CACNG2: variants seen among roughly 807,000 people sequenced by gnomAD.
CACNG2 encodes calcium voltage-gated channel auxiliary subunit gamma 2, also known as voltage-dependent calcium channel gamma-2 subunit.
CACNG2 carries 3 observed loss-of-function variants against 25.9 expected under a neutral mutation model. The ratio of observed to expected loss-of-function variants is 0.12; its 90% CI spans 0.05 to 0.30. The LOEUF (loss-of-function observed/expected upper bound fraction) is 0.30. Among genes scored for constraint, CACNG2 ranks in the 10% least tolerant of loss-of-function variants. The pLI is 1.00. For missense variants in CACNG2, 341 were observed against 432.5 expected (o/e 0.79, Z 1.88); for synonymous variants, 167 against 173.3 (o/e 0.96, Z 0.29).
intron 1 of CACNG2, among the ~76,000 whole-genome samples, chr22:36,682,182 G>A (rs888557438): frequency 6.6e-6 from 1 of 152,228 alleles, no homozygotes; most frequent in East Asian, 1.9e-4. Flanking sequence ...TGGGGGAGAA[G>A]ACGCAGGGCT....
chr22:36,680,261 CCACCACCAT>C (rs1178516384), intron 1 of CACNG2, among the ~76,000 whole-genome samples: 69 of 151,558 alleles, frequency 4.6e-4, no homozygotes, highest in Admixed American at 1.7e-3. Flanking sequence ...ATCATCAACA[CCACCACCAT>C]CACCACCATC....
chr22:36,630,617 G>A (rs1936253049), intron 1 of CACNG2, among the ~76,000 whole-genome samples: 1 of 152,132 alleles, frequency 6.6e-6, no homozygotes, highest in South Asian at 2.1e-4. Flanking sequence ...CCCAAACCTT[G>A]AAGCTTCAGA....
chr22:36,583,674 CA>C (rs1935456743), intron 2 of CACNG2, among the ~76,000 whole-genome samples: 1 of 152,208 alleles, frequency 6.6e-6, no homozygotes. Context: ...CTCTGTCTCC[CA>C]AACATCTCCT....
Position 36,599,210 on chromosome 22 carries a change from G to A in CACNG2, c.212-11662C>T, listed in dbSNP as rs114435833. On this transcript the variant is annotated intron_variant, in intron 1 of 3. Coordinates refer to ENST00000300105, the MANE Select transcript of CACNG2 (RefSeq NM_006078.5). ...GTAGTGTACAGCAGTGAAAGTTAGT[G>A]AATTACAGCTACACAAGTCAACCCA... 2.3e-3 allele frequency among the ~76,000 whole-genome samples: 343 copies of A among 152,264 alleles called. 1 individual carries two copies. Among genetic ancestry groups the A allele is most frequent in the African/African-American group, 8.0e-3 (331 of 41,532 alleles).
intron 1 of CACNG2, among the ~76,000 whole-genome samples, chr22:36,685,184 C>T (rs937425982): frequency 6.6e-6 from 1 of 152,080 alleles, no homozygotes; most frequent in Non-Finnish European, 1.5e-5. Context: ...GGGTGTCTCT[C>T]CCAGCCTGGG....
chr22:36,611,181 G>A (rs1023362662), intron 1 of CACNG2, among the ~76,000 whole-genome samples: 42 of 152,136 alleles, frequency 2.8e-4, no homozygotes, highest in Non-Finnish European at 1.2e-4. Flanking sequence ...AAGGGACTGC[G>A]GGGGCTGGGA....
At chr22:36,691,131 A>G (rs1937263774) in intron 1 of CACNG2, among the ~76,000 whole-genome samples, 1 of 152,218 alleles carries the variant, frequency 6.6e-6, no homozygotes, top group East Asian at 1.9e-4. Context: ...CATGATCTAG[A>G]GGAAGACACA....
intron 2 of CACNG2, among the ~76,000 whole-genome samples, chr22:36,569,510 A>T (rs1935189239): frequency 6.6e-6 from 1 of 152,132 alleles, no homozygotes; most frequent in African/African-American, 2.4e-5. Flanking sequence ...CCCCTGTGTA[A>T]CATGGGGTAT....
intron 1 of CACNG2, among the ~76,000 whole-genome samples, chr22:36,603,810 A>G (rs1485581907): frequency 1.3e-5 from 2 of 152,212 alleles, no homozygotes; most frequent in Non-Finnish European, 2.9e-5. Context: ...CTCATTTACC[A>G]TGCACCTGGT....
chr22:36,601,659 A>AT (rs1338191139), intron 1 of CACNG2, among the ~76,000 whole-genome samples: 5 of 152,034 alleles, frequency 3.3e-5, no homozygotes, highest in African/African-American at 1.2e-4. Context: ...TAATTTTTGT[A>AT]TTTTTAGTAG....
At chr22:36,618,209 G>A (rs979277382) in intron 1 of CACNG2, among the ~76,000 whole-genome samples, 12 of 152,192 alleles carry the variant, frequency 7.9e-5, no homozygotes, top group Non-Finnish European at 1.8e-4. Flanking sequence ...CTTCCCAAGA[G>A]GAACTTGCCA....
At chr22:36,642,721 T>A (rs1936457869) in intron 1 of CACNG2, among the ~76,000 whole-genome samples, 1 of 152,232 alleles carries the variant, frequency 6.6e-6, no homozygotes, top group Admixed American at 6.5e-5. Flanking sequence ...GTGAGAAGCA[T>A]CATCACTGAA....
At chr22:36,671,709 G>A (rs1417087705) in intron 1 of CACNG2, among the ~76,000 whole-genome samples, 3 of 152,162 alleles carry the variant, frequency 2.0e-5, no homozygotes, top group Non-Finnish European at 4.4e-5. Flanking sequence ...ACACCCAGAG[G>A]CATCTGTGTT....
intron 1 of CACNG2, among the ~76,000 whole-genome samples, chr22:36,608,890 T>A (rs1935882578): frequency 6.6e-6 from 1 of 152,188 alleles, no homozygotes; most frequent in Non-Finnish European, 1.5e-5. Flanking sequence ...ACCTGCTAGC[T>A]ATTGTTAATT....
At chr22:36,599,764 G>T (rs1487603118) in intron 1 of CACNG2, among the ~76,000 whole-genome samples, 1 of 152,160 alleles carries the variant, frequency 6.6e-6, no homozygotes, top group Non-Finnish European at 1.5e-5. Flanking sequence ...AATGTCCTAG[G>T]AATGCTCTAT....
At position 36,564,520 on chromosome 22, in the gene CACNG2, A is replaced by G; in HGVS notation, c.803T>C (p.Ile268Thr). 6.2e-7 allele frequency: 1 copy of G among 1,613,610 alleles called. No individual in the cohort carries two copies. Among genetic ancestry groups the G allele is most frequent in the Middle Eastern group, 1.6e-4 (1 of 6,062 alleles). Reference protein sequence around the residue: ...KGFNTLPSTEISMYTLSRDPL... With the variant: ...KGFNTLPSTETSMYTLSRDPL... ...GTCCCTGCTGAGCGTGTACATGGAG[A>G]TCTCCGTGGACGGCAGGGTGTTGAA... The change falls in exon 4 of 4, where the codon ATC (isoleucine) becomes ACC (threonine). Residue 268 changes from isoleucine to threonine, a missense_variant. Ile to Thr is a moderately conservative substitution (Grantham distance 89). Coordinates refer to ENST00000300105, the MANE Select transcript of CACNG2 (RefSeq NM_006078.5). The surrounding 1 kb of genome is among the most constrained non-coding windows in gnomAD (Gnocchi z 6.7).
At chr22:36,685,594 C>T (rs1054338492) in intron 1 of CACNG2, among the ~76,000 whole-genome samples, 5 of 152,150 alleles carry the variant, frequency 3.3e-5, no homozygotes, top group African/African-American at 7.2e-5. Flanking sequence ...CGAGGCCCAT[C>T]GGGAAGCCCC....
At position 36,564,211 on chromosome 22, in the gene CACNG2, GTTTTTTGT is replaced by G; in HGVS notation, c.*132_*139del. 1.5e-6 allele frequency: 1 copy of G among 684,022 alleles called. No individual in the cohort carries two copies. The highest frequency in any genetic ancestry group is 3.6e-5 in the Admixed American group (1 of 27,530). 42.4% of individuals were successfully genotyped at this position (684,022 alleles called of 1,614,324 possible). A position where few individuals can be genotyped will look rare whatever the true frequency, so the allele number is the denominator to read the frequency against. ...TTTTTTTGTGTGTGTGTGTTTTTTTGTTTTTTGTTTTTTTGTTTTTTTTGTTTTTTGTT... is the reference window on the plus strand; with the variant it reads ...TTTTTTTGTGTGTGTGTGTTTTTTTGTTTTTTGTTTTTTTTGTTTTTTGTT... On this transcript the variant is annotated 3_prime_UTR_variant, in exon 4 of 4. Transcript: ENST00000300105. This position sits in a 1 kb window ranked among gnomAD's most constrained non-coding sequence, Gnocchi z 6.7.
intron 1 of CACNG2, among the ~76,000 whole-genome samples, chr22:36,618,559 A>C (rs1936059361): frequency 6.6e-6 from 1 of 152,240 alleles, no homozygotes; most frequent in African/African-American, 2.4e-5. Flanking sequence ...TGTGGCTGCT[A>C]TCTCTGGTCT....
Sources: gnomAD v4.1 joint callset for allele counts (sites outside exome capture counted in the v4.1 genomes callset) on GRCh38, gnomAD v4.1.1 for gene constraint, Gnocchi (gnomAD v3.1) non-coding constraint, MANE v1.5 for transcripts, NCBI Gene and HGNC (gene_info 2026-07-23, HGNC 2026-07-21) for gene names.